The following HDAC9 variants were observed in gnomAD, a reference collection of about 807,000 sequenced individuals.
The protein encoded by HDAC9 is MEF-2 interacting transcription repressor (MITR) protein.
HDAC9 carries 41 observed loss-of-function variants against 139.4 expected under a neutral mutation model. The observed-to-expected ratio is 0.29, with a 90% confidence interval of 0.23 to 0.38. HDAC9 has a LOEUF of 0.38. HDAC9 is among the 10% of genes least tolerant of loss of function. The pLI is 1.00. For missense variants in HDAC9, 1,147 were observed against 1,297.0 expected (o/e 0.88, Z 1.78); for synonymous variants, 517 against 476.2 (o/e 1.09, Z -1.12).
At chr7:18,684,704 C>A (rs1202851800) in intron 12 of HDAC9, among the ~76,000 whole-genome samples, 1 of 151,922 alleles carries the variant, frequency 6.6e-6, no homozygotes, top group Non-Finnish European at 1.5e-5. Context: ...AGCTTGGGAA[C>A]TTTATTTCCT....
intron 16 of HDAC9, among the ~76,000 whole-genome samples, chr7:18,770,733 A>G (rs570735051): frequency 6.6e-6 from 1 of 152,218 alleles, no homozygotes; most frequent in African/African-American, 2.4e-5. Flanking sequence ...AGAGGAGGCA[A>G]CTCCAATCAC....
intron 2 of HDAC9, among the ~76,000 whole-genome samples, chr7:18,204,226 G>C (rs1421238297): frequency 1.3e-5 from 2 of 151,470 alleles, no homozygotes; most frequent in African/African-American, 4.9e-5. Context: ...AGGAGTGGTT[G>C]TTTGATAATC....
intron 2 of HDAC9, among the ~76,000 whole-genome samples, chr7:18,165,586 A>G (rs1282796691): frequency 6.6e-6 from 1 of 152,112 alleles, no homozygotes; most frequent in Non-Finnish European, 1.5e-5. Flanking sequence ...CCGGGGTTCG[A>G]GACTAGCCTG....
intron 22 of HDAC9, among the ~76,000 whole-genome samples, chr7:18,906,326 G>C (rs956517447): frequency 6.6e-6 from 1 of 151,862 alleles, no homozygotes; most frequent in Non-Finnish European, 1.5e-5. Context: ...TGTATTTTTA[G>C]TAGAGACAGG....
chr7:18,929,942 A>T (rs958430012), intron 22 of HDAC9, among the ~76,000 whole-genome samples: 1 of 144,442 alleles, frequency 6.9e-6, no homozygotes, highest in African/African-American at 2.5e-5. Flanking sequence ...CCGCCTCAAA[A>T]AAAAAAATAT....
intron 9 of HDAC9, among the ~76,000 whole-genome samples, chr7:18,646,505 C>T (rs1342252683): frequency 6.6e-6 from 1 of 152,080 alleles, no homozygotes; most frequent in African/African-American, 2.4e-5. Flanking sequence ...TGTAGTACTC[C>T]ATTTCTACAT....
At chr7:18,549,601 G>A (rs1322159698) in intron 2 of HDAC9, among the ~76,000 whole-genome samples, 1 of 152,126 alleles carries the variant, frequency 6.6e-6, no homozygotes, top group African/African-American at 2.4e-5. Flanking sequence ...TTTTAAGGAT[G>A]TTAACTTCCT....
chr7:18,324,294 G>A (rs151307584), intron 1 of HDAC9, among the ~76,000 whole-genome samples: 1 of 152,250 alleles, frequency 6.6e-6, no homozygotes, highest in East Asian at 1.9e-4. Flanking sequence ...GAACCATGCT[G>A]ATGTGATTAT....
chr7:18,790,917 C>G (rs187827754), intron 16 of HDAC9, among the ~76,000 whole-genome samples: 1 of 152,128 alleles, frequency 6.6e-6, no homozygotes, highest in Non-Finnish European at 1.5e-5. Flanking sequence ...GTAACCCCCA[C>G]CCGGCAACTC....
At position 18,997,527 on chromosome 7, in the gene HDAC9, T is replaced by A. The variant is rs1000733551; in HGVS notation, c.*1465T>A. On this transcript the variant is annotated 3_prime_UTR_variant, in exon 26 of 26. Coordinates refer to ENST00000686413, the MANE Select transcript of HDAC9 (RefSeq NM_178425.4). ...ATATCTGACAATGCTTTTGAAAGAG[T>A]TGATGTTTCTTTTTATATATTTTTC... 1.3e-5 allele frequency: 2 copies of A among 152,084 alleles called. No individual in the cohort carries two copies. The highest frequency in any genetic ancestry group is 1.3e-4 in the Admixed American group (2 of 15,270). 9.4% of individuals were successfully genotyped at this position (152,084 alleles called of 1,614,324 possible).
chr7:18,276,852 A>C (rs1369429929), intron 2 of HDAC9, among the ~76,000 whole-genome samples: 3 of 152,116 alleles, frequency 2.0e-5, no homozygotes, highest in African/African-American at 7.2e-5. Flanking sequence ...TTACTAAATA[A>C]GTTTTCTTGT....
intron 19 of HDAC9, among the ~76,000 whole-genome samples, 179 bp from the exon 20 acceptor site, chr7:18,835,288 G>C (rs1796155041): frequency 6.6e-6 from 1 of 152,118 alleles, no homozygotes; most frequent in Non-Finnish European, 1.5e-5. Context: ...TGAAAGTTCA[G>C]GAAGTAAAGG....
intron 25 of HDAC9, among the ~76,000 whole-genome samples, chr7:18,984,504 T>G (rs1295264601): frequency 6.6e-6 from 1 of 151,954 alleles, no homozygotes; most frequent in Non-Finnish European, 1.5e-5. Flanking sequence ...GAGAGTGTCA[T>G]GGAGGAGGGG....
chr7:18,843,573 C>G (rs1796719569), intron 21 of HDAC9, among the ~76,000 whole-genome samples: 1 of 152,040 alleles, frequency 6.6e-6, no homozygotes, highest in South Asian at 2.1e-4. Context: ...TAAGATAAAG[C>G]TCTCGCTCAA....
intron 11 of HDAC9, among the ~76,000 whole-genome samples, chr7:18,648,955 C>T (rs972542108): frequency 7.2e-5 from 11 of 152,154 alleles, no homozygotes; most frequent in Non-Finnish European, 1.2e-4. Flanking sequence ...CAAGCCCATA[C>T]GGGCATATGT....
At chr7:18,606,574 T>C (rs1835566988) in intron 6 of HDAC9, among the ~76,000 whole-genome samples, 1 of 152,224 alleles carries the variant, frequency 6.6e-6, no homozygotes, top group African/African-American at 2.4e-5. Flanking sequence ...TTGTCGATTT[T>C]TGTCTTACTG....
intron 17 of HDAC9, among the ~76,000 whole-genome samples, chr7:18,822,055 C>T (rs184205569): frequency 1.2e-3 from 180 of 152,296 alleles, no homozygotes; most frequent in Non-Finnish European, 2.1e-3. Flanking sequence ...AGCCTGGAAA[C>T]TCTCTGAACC....
At chr7:18,706,436 G>T (rs116324843) in intron 12 of HDAC9, among the ~76,000 whole-genome samples, 5,991 of 152,162 alleles carry the variant, frequency 0.039, 356 homozygotes, top group African/African-American at 0.13. Context: ...ACAACAAGCT[G>T]TTCCCACTAA....
At chr7:18,353,228 C>T (rs1233259497) in intron 1 of HDAC9, among the ~76,000 whole-genome samples, 1 of 151,952 alleles carries the variant, frequency 6.6e-6, no homozygotes, top group Non-Finnish European at 1.5e-5. Flanking sequence ...TAAAGTAAGA[C>T]ATGGGATATT....
Sources: gnomAD v4.1 joint callset for allele counts (sites outside exome capture counted in the v4.1 genomes callset) on GRCh38, gnomAD v4.1.1 for gene constraint, MANE v1.5 for transcripts, NCBI Gene and HGNC (gene_info 2026-07-23, HGNC 2026-07-21) for gene names.